The following SLC24A2 variants were observed in gnomAD, a reference collection of about 807,000 sequenced individuals.
SLC24A2 encodes sodium/potassium/calcium exchanger 2.
Under a neutral mutation model 62.0 loss-of-function variants are expected in SLC24A2, and 36 were observed. That is an observed-to-expected ratio of 0.58 (90% CI 0.44 to 0.77). The LOEUF (loss-of-function observed/expected upper bound fraction) is 0.77. Ranked by LOEUF, SLC24A2 falls within the 30% of genes least tolerant of loss-of-function variation. The probability of loss-of-function intolerance (pLI) is 0.00; values close to 1 mark genes in which losing one functional copy is unlikely to be tolerated. For synonymous variants in SLC24A2, 358 were observed against 294.0 expected, an observed-to-expected ratio of 1.22 and a Z score of -2.23; for missense variants, 846 against 817.9, an observed-to-expected ratio of 1.03 and a Z score of -0.42.
the SLC24A2 span, among the ~76,000 whole-genome samples, chr9:19,990,851 CAA>C: frequency 2.5e-4 from 32 of 126,534 alleles, no homozygotes; most frequent in African/African-American, 7.8e-4. Flanking sequence ...TCTTGGTTAT[CAA>C]AAAAAAAAAA....
At chr9:19,649,550 C>T (rs1818740531) in intron 2 of SLC24A2, among the ~76,000 whole-genome samples, 1 of 152,058 alleles carries the variant, frequency 6.6e-6, no homozygotes, top group African/African-American at 2.4e-5. Context: ...AAAATCACTG[C>T]CAAAAATATG....
the SLC24A2 span, among the ~76,000 whole-genome samples, chr9:20,297,836 C>G: frequency 1.8e-3 from 267 of 152,392 alleles, 1 homozygote; most frequent in African/African-American, 6.0e-3. Flanking sequence ...CCTTTGCTCA[C>G]AGCCCCACGC....
At chr9:19,821,775 G>A in the SLC24A2 span, among the ~76,000 whole-genome samples, 2 of 152,098 alleles carry the variant, frequency 1.3e-5, no homozygotes, top group African/African-American at 4.8e-5. Flanking sequence ...GCATGGCCAC[G>A]TGTTTGTAGA....
chr9:20,169,557 G>C, the SLC24A2 span, among the ~76,000 whole-genome samples: 34,263 of 151,834 alleles, frequency 0.23, 4,688 homozygotes, highest in African/African-American at 0.39. Context: ...AGACCTGCTG[G>C]GTGATTGGAT....
At chr9:20,224,552 G>A in the SLC24A2 span, among the ~76,000 whole-genome samples, 2 of 152,174 alleles carry the variant, frequency 1.3e-5, no homozygotes, top group East Asian at 3.9e-4. Flanking sequence ...ATCTGCTATT[G>A]TAGAAGTTCA....
the SLC24A2 span, among the ~76,000 whole-genome samples, chr9:20,303,762 T>C: frequency 2.6e-5 from 4 of 152,332 alleles, no homozygotes; most frequent in Admixed American, 2.6e-4. Context: ...ATTTTATTTT[T>C]AATAGAGACA....
At chr9:20,175,864 G>C in the SLC24A2 span, among the ~76,000 whole-genome samples, 1 of 152,022 alleles carries the variant, frequency 6.6e-6, no homozygotes, top group Admixed American at 6.6e-5. Context: ...ATGATGGAAG[G>C]ATGGAGGGAT....
chr9:19,898,181 G>T, the SLC24A2 span, among the ~76,000 whole-genome samples: 1 of 152,300 alleles, frequency 6.6e-6, no homozygotes, highest in South Asian at 2.1e-4. Context: ...ATGTCTAGCT[G>T]CCCCCTGGGA....
the SLC24A2 span, among the ~76,000 whole-genome samples, chr9:20,194,708 G>T: frequency 5.3e-5 from 8 of 152,090 alleles, no homozygotes; most frequent in African/African-American, 1.9e-4. Context: ...GTCTCTCACA[G>T]TATTTTTTTT....
the SLC24A2 span, among the ~76,000 whole-genome samples, chr9:19,966,231 G>C: frequency 2.0e-5 from 3 of 152,206 alleles, no homozygotes; most frequent in South Asian, 6.2e-4. Context: ...TGTATTTAAG[G>C]GTTTTGGATT....
At chr9:19,713,725 A>G (rs943228857) in intron 2 of SLC24A2, among the ~76,000 whole-genome samples, 1 of 152,182 alleles carries the variant, frequency 6.6e-6, no homozygotes, top group Non-Finnish European at 1.5e-5. Context: ...CAGTAACTCC[A>G]GCCCTAGGAA....
the SLC24A2 span, among the ~76,000 whole-genome samples, chr9:19,917,176 T>C: frequency 6.6e-6 from 1 of 151,468 alleles, no homozygotes; most frequent in Non-Finnish European, 1.5e-5. Flanking sequence ...TATCTCCCTC[T>C]ACTTTCAGGT....
At chr9:19,953,622 G>C in the SLC24A2 span, among the ~76,000 whole-genome samples, 1 of 151,976 alleles carries the variant, frequency 6.6e-6, no homozygotes. Flanking sequence ...TTATTAAGTA[G>C]ATAGGTCCAA....
the SLC24A2 span, among the ~76,000 whole-genome samples, chr9:20,294,490 G>A: frequency 6.6e-6 from 1 of 152,146 alleles, no homozygotes; most frequent in Non-Finnish European, 1.5e-5. Context: ...ATTCTTTCTT[G>A]TCTCAGAAAT....
Position 19,583,973 on chromosome 9 carries a change from C to T in SLC24A2, c.1130-6951G>A, listed in dbSNP as rs370088710. ...TCCAACCTGAAGGTTTCTCTGCACA[C>T]ACCCCTCTTTTCGAAGTGGAAACCC... On this transcript the variant is annotated intron_variant, in intron 5 of 10. Transcript: ENST00000341998. 2.3e-4 allele frequency among the ~76,000 whole-genome samples: 35 copies of T among 152,316 alleles called. 1 individual carries two copies. In the East Asian group the frequency reaches 6.4e-3, roughly 28 times the overall value.
chr9:20,142,623 G>T, the SLC24A2 span, among the ~76,000 whole-genome samples: 1 of 151,770 alleles, frequency 6.6e-6, no homozygotes, highest in South Asian at 2.1e-4. Flanking sequence ...TTGACATGGA[G>T]TCTCACTCTG....
At chr9:20,285,754 A>T in the SLC24A2 span, among the ~76,000 whole-genome samples, 3 of 152,252 alleles carry the variant, frequency 2.0e-5, no homozygotes, top group African/African-American at 7.2e-5. Flanking sequence ...CATTACGATC[A>T]TAAGGGTGGG....
the SLC24A2 span, among the ~76,000 whole-genome samples, chr9:19,859,111 G>A: frequency 2.0e-5 from 3 of 152,134 alleles, no homozygotes; most frequent in African/African-American, 7.2e-5. Context: ...GCCCACCAAT[G>A]GTAGACTGGA....
the SLC24A2 span, among the ~76,000 whole-genome samples, chr9:19,860,003 T>C: frequency 6.6e-6 from 1 of 152,052 alleles, no homozygotes; most frequent in African/African-American, 2.4e-5. Context: ...CAAATAAACT[T>C]AAAACATAGT....
Sources: gnomAD v4.1 joint callset for allele counts (sites outside exome capture counted in the v4.1 genomes callset) on GRCh38, gnomAD v4.1.1 for gene constraint, MANE v1.5 for transcripts, NCBI Gene and HGNC (gene_info 2026-07-23, HGNC 2026-07-21) for gene names.